The following SLC2A14 variants were observed in gnomAD, a reference collection of about 807,000 sequenced individuals.
SLC2A14 encodes solute carrier family 2 member 14, also known as solute carrier family 2, facilitated glucose transporter member 14.
SLC2A14 carries 13 observed loss-of-function variants against 43.0 expected under a neutral mutation model. That is an observed-to-expected ratio of 0.30 (90% CI 0.20 to 0.48). SLC2A14 has a LOEUF of 0.48. SLC2A14 is among the 20% of genes least tolerant of loss of function. SLC2A14 has a pLI of 0.99. For synonymous variants in SLC2A14, 190 were observed against 233.8 expected (o/e 0.81, Z 1.71); for missense variants, 428 against 620.4 (o/e 0.69, Z 3.29).
upstream of SLC2A14, among the ~76,000 whole-genome samples, chr12:7,874,817 T>TGC: frequency 1.2e-5 from 1 of 84,794 alleles, no homozygotes; most frequent in Non-Finnish European, 2.6e-5. Flanking sequence ...AATACGTATT[T>TGC]ATATATAAAT....
intron 2 of SLC2A14, 43 bp from the exon 3 acceptor site, chr12:7,832,857 CT>C (rs768240921): frequency 1.9e-6 from 3 of 1,576,858 alleles, no homozygotes; most frequent in Non-Finnish European, 2.6e-6. Context: ...GTCCTTAAAA[CT>C]TGTAATTGAT....
In SLC2A14 at chr12:7,812,838, G is replaced by C. The variant is rs1251200230; in HGVS notation, c.*1478C>G. On this transcript the variant is annotated 3_prime_UTR_variant, in exon 11 of 11. Coordinates refer to ENST00000431042, the MANE Select transcript of SLC2A14 (RefSeq NM_001286234.2). ...AGCACCAAGAAGGGAAAGGGAGACT[G>C]AGCAACATATGAAAAAGGGGCTGTA... is the stretch of plus-strand genomic sequence containing the variant. The C allele has an allele frequency of 6.6e-6, 1 of 152,142 alleles. No homozygotes were observed. Among genetic ancestry groups the C allele is most frequent in the Non-Finnish European group, 1.5e-5 (1 of 68,040 alleles). The allele number at this position is 152,142 out of a possible 1,614,324, so 9.4% of individuals were successfully genotyped here.
intron 10 of SLC2A14, among the ~76,000 whole-genome samples, 168 bp from the exon 11 acceptor site, chr12:7,814,702 T>C (rs1403787741): frequency 6.6e-6 from 1 of 152,160 alleles, no homozygotes; most frequent in Non-Finnish European, 1.5e-5. Flanking sequence ...ATTGCTAACT[T>C]ACTATATTTC....
intron 6 of SLC2A14, among the ~76,000 whole-genome samples, 195 bp downstream of exon 6, chr12:7,828,509 A>G (rs1027629212): frequency 6.6e-6 from 1 of 152,148 alleles, no homozygotes; most frequent in Non-Finnish European, 1.5e-5. Flanking sequence ...AGATCGCACC[A>G]CTGCACTCCA....
At position 7,890,209 on chromosome 12, in the gene SLC2A14, A is replaced by C. The variant is rs189212613; in HGVS notation, c.132+787T>G. ...AAGATGGAGTCGTTCTGGTTCACAC[A>C]GCTCTGATAGTAATCTGCTCACTAA... is the stretch of plus-strand genomic sequence containing the variant. On this transcript the variant is annotated intron_variant, in intron 1 of 9. Transcript: ENST00000539924. 9.2e-4 allele frequency among the ~76,000 whole-genome samples: 140 copies of C among 152,128 alleles called. 1 individual carries two copies. Among genetic ancestry groups the C allele is most frequent in the African/African-American group, 3.2e-3 (131 of 41,506 alleles).
At chr12:7,837,638 C>CA (rs557069415) in intron 2 of SLC2A14, among the ~76,000 whole-genome samples, 611 of 52,900 alleles carry the variant, frequency 0.012, 33 homozygotes, top group African/African-American at 0.049. Flanking sequence ...AACTTCGTCT[C>CA]AAAAAAAAAA....
chr12:7,875,369 A>G (rs1257981724), upstream of SLC2A14, among the ~76,000 whole-genome samples: 3 of 150,430 alleles, frequency 2.0e-5, no homozygotes, highest in African/African-American at 7.3e-5. Context: ...TTAGCCGGGC[A>G]TGGTGATGCA....
chr12:7,874,949 TATATTTATATATAAATTATATATAA>T (rs1179302379), upstream of SLC2A14, among the ~76,000 whole-genome samples: 28,180 of 58,338 alleles, frequency 0.48, 5,074 homozygotes, highest in Middle Eastern at 0.65. Context: ...TATATATAAA[TATATTTATATATAAATTATATATAA>T]ATATATTTAT....
chr12:7,890,893 G>A, intron 1 of SLC2A14: 2 of 1,315,510 alleles, frequency 1.5e-6, no homozygotes, highest in Non-Finnish European at 2.0e-6. Flanking sequence ...AACACACTGT[G>A]CTGATTAAGA....
At chr12:7,841,342 C>G (rs764340342) in intron 2 of SLC2A14, among the ~76,000 whole-genome samples, 11 of 152,102 alleles carry the variant, frequency 7.2e-5, no homozygotes, top group Non-Finnish European at 1.3e-4. Flanking sequence ...CTCACTGCAA[C>G]CTCCACCTCC....
intron 7 of SLC2A14, among the ~76,000 whole-genome samples, chr12:7,824,594 G>A (rs1021804197): frequency 2.0e-5 from 3 of 151,500 alleles, no homozygotes; most frequent in Non-Finnish European, 2.9e-5. Flanking sequence ...TTAGCCAGGC[G>A]AAGTGGTGCA....
chr12:7,829,489 G>C (rs1375863797), intron 5 of SLC2A14, among the ~76,000 whole-genome samples: 1 of 151,436 alleles, frequency 6.6e-6, no homozygotes, highest in African/African-American at 2.4e-5. Context: ...TAACCCAGGA[G>C]GCAGAGGTTG....
intron 2 of SLC2A14, among the ~76,000 whole-genome samples, chr12:7,857,378 C>T (rs1302885365): frequency 3.3e-5 from 5 of 152,146 alleles, no homozygotes; most frequent in Admixed American, 3.3e-4. Flanking sequence ...GACTTGAGGT[C>T]AGAAGTTTGA....
intron 2 of SLC2A14, among the ~76,000 whole-genome samples, chr12:7,868,593 G>A (rs1232920042): frequency 6.6e-6 from 1 of 152,078 alleles, no homozygotes; most frequent in Non-Finnish European, 1.5e-5. Context: ...TAGTATAATA[G>A]CTACTCGAGA....
chr12:7,882,563 T>C (rs776171905), intron 1 of SLC2A14, among the ~76,000 whole-genome samples: 95 of 152,186 alleles, frequency 6.2e-4, no homozygotes, highest in Non-Finnish European at 1.1e-3. Context: ...GCGTCGGCAG[T>C]GGCTCACACT....
chr12:7,859,351 C>T (rs1944417380), intron 2 of SLC2A14, among the ~76,000 whole-genome samples: 1 of 151,860 alleles, frequency 6.6e-6, no homozygotes, highest in South Asian at 2.1e-4. Context: ...GATGGTGCCA[C>T]TGCACTCCAA....
At chr12:7,871,196 C>T in intron 1 of SLC2A14, 1 of 1,258,644 alleles carries the variant, frequency 7.9e-7, no homozygotes, top group South Asian at 1.7e-5. Context: ...AACGAGGAAT[C>T]CTCAGGTTTC....
chr12:7,886,637 TTTCCATCA>T (rs1186260465), intron 1 of SLC2A14, among the ~76,000 whole-genome samples: 5 of 152,100 alleles, frequency 3.3e-5, no homozygotes, highest in Non-Finnish European at 7.4e-5. Flanking sequence ...GGTGTTCATC[TTTCCATCA>T]TTGGTAATTG....
chr12:7,824,263 A>G (rs1316214107), intron 7 of SLC2A14, among the ~76,000 whole-genome samples: 1 of 152,036 alleles, frequency 6.6e-6, no homozygotes, highest in Non-Finnish European at 1.5e-5. Context: ...CTCAAAACAA[A>G]ACAAAACAAA....
Sources: gnomAD v4.1 joint callset for allele counts (sites outside exome capture counted in the v4.1 genomes callset) on GRCh38, gnomAD v4.1.1 for gene constraint, MANE v1.5 for transcripts, NCBI Gene and HGNC (gene_info 2026-07-23, HGNC 2026-07-21) for gene names.